Variants in MAP7D2 observed in about 807,000 individuals in gnomAD.
MAP7D2 encodes the protein MAP7 domain containing 2.
Under a neutral mutation model 63.5 loss-of-function variants are expected in MAP7D2, and 33 were observed. The ratio of observed to expected loss-of-function variants is 0.52; its 90% CI spans 0.39 to 0.70. The LOEUF (loss-of-function observed/expected upper bound fraction) is 0.70. MAP7D2 is among the 30% of genes least tolerant of loss of function. The pLI is 0.00. For missense variants in MAP7D2, 626 were observed against 604.0 expected, an observed-to-expected ratio of 1.04 and a Z score of -0.38; for synonymous variants, 224 against 223.7, an observed-to-expected ratio of 1.00 and a Z score of -0.01.
At chrX:20,109,787 T>C (rs944964062) in intron 1 of MAP7D2, among the ~76,000 whole-genome samples, 2 of 111,869 alleles carry the variant, frequency 1.8e-5, no homozygotes, top group Non-Finnish European at 3.8e-5. Flanking sequence ...GGCTCATGCC[T>C]GTAATCCCAG....
chrX:20,082,596 T>C (rs1056459625), intron 1 of MAP7D2, among the ~76,000 whole-genome samples: 5 of 112,098 alleles, frequency 4.5e-5, no homozygotes, highest in Non-Finnish European at 7.5e-5. Flanking sequence ...TTTGAGGCCT[T>C]GAGGAAACAG....
At chrX:20,062,015 G>A (rs2065236303) in intron 3 of MAP7D2, among the ~76,000 whole-genome samples, 1 of 112,380 alleles carries the variant, frequency 8.9e-6, no homozygotes, top group Non-Finnish European at 1.9e-5. Flanking sequence ...TACCAAAACA[G>A]CCTATTATAC....
At chrX:20,049,772 G>A in intron 6 of MAP7D2, 1 of 303,028 alleles carries the variant, frequency 3.3e-6, no homozygotes, top group Non-Finnish European at 6.4e-6. Context: ...GTGTTCTACA[G>A]TAGCTGCATC....
At chrX:20,070,421 C>T (rs1032363708) in intron 1 of MAP7D2, among the ~76,000 whole-genome samples, 46 of 110,517 alleles carry the variant, frequency 4.2e-4, no homozygotes, top group African/African-American at 1.4e-3. Flanking sequence ...CTGCACCCAG[C>T]CTATAATATT....
intron 1 of MAP7D2, among the ~76,000 whole-genome samples, chrX:20,072,190 G>A (rs2065520084): frequency 9.0e-6 from 1 of 111,498 alleles, no homozygotes; most frequent in Admixed American, 9.6e-5. Context: ...CTAGAGTTGT[G>A]GGAGGAATAC....
rs765218999 is a variant in MAP7D2 at position 20,060,613 on chromosome X, G to A, written c.372+2801C>T. ...CCCTGAGAATGGGCTGGCATACTGT[G>A]TTGTCAGCCCTAACACAGGTGACAG... On this transcript the variant is annotated intron_variant, in intron 3 of 16. Transcript: ENST00000379643. Among the ~76,000 whole-genome samples the A allele has an allele frequency of 1.6e-4, 18 of 111,520 alleles. No homozygotes were observed. The East Asian group carries it at 4.8e-3, about 30-fold the overall frequency.
At position 20,025,950 on chromosome X, in the gene MAP7D2, G is replaced by A. The variant is rs146088476; in HGVS notation, c.1010C>T (p.Thr337Ile). The A allele has an allele frequency of 8.3e-5, 100 of 1,206,707 alleles. No homozygotes were observed. In the African/African-American group the frequency reaches 1.6e-3, roughly 19 times the overall value. ...KRPSSPVISK[T>I]ATKAYPQSPK... Reference sequence around the variant, plus strand: ...AGACTGTGGATAAGCTTTAGTAGCTGTCCTGGAAAACAAAAAATATGCCAG... The same window carrying A: ...AGACTGTGGATAAGCTTTAGTAGCTATCCTGGAAAACAAAAAATATGCCAG... The change falls in exon 9 of 17, where the codon ACA becomes ATA. Residue 337 changes from threonine to isoleucine, a missense_variant and splice_region_variant. Coordinates refer to ENST00000379643, the MANE Select transcript of MAP7D2 (RefSeq NM_001168465.2).
intron 1 of MAP7D2, among the ~76,000 whole-genome samples, chrX:20,071,579 G>C (rs1449394872): frequency 9.0e-6 from 1 of 111,649 alleles, no homozygotes; most frequent in Non-Finnish European, 1.9e-5. Flanking sequence ...ACTGGTCCAG[G>C]GCCCACACCT....
intron 6 of MAP7D2, among the ~76,000 whole-genome samples, chrX:20,048,936 T>C (rs1269640303): frequency 9.3e-6 from 1 of 107,729 alleles, no homozygotes; most frequent in East Asian, 2.9e-4. Context: ...TACATATACA[T>C]ATATATACAT....
At chrX:20,113,783 C>T (rs2066813614) in intron 1 of MAP7D2, among the ~76,000 whole-genome samples, 1 of 111,171 alleles carries the variant, frequency 9.0e-6, no homozygotes. Context: ...TCATATCATG[C>T]AAAACAGGTT....
At chrX:20,009,461 C>T (rs865975912) in intron 16 of MAP7D2, among the ~76,000 whole-genome samples, 6 of 110,006 alleles carry the variant, frequency 5.5e-5, no homozygotes, top group Admixed American at 9.7e-5. Context: ...CTCAGGAGTT[C>T]GAGACCAGCT....
Position 20,062,481 on chromosome X carries a change from TA to T in MAP7D2, c.372+932del, listed in dbSNP as rs141341947. 5.0e-4 allele frequency among the ~76,000 whole-genome samples: 53 copies of T among 106,091 alleles called. No individual in the cohort carries two copies. The South Asian group carries it at 5.3e-3, about 11-fold the overall frequency. 92.1% of individuals were successfully genotyped at this position (106,091 alleles called of 115,157 possible). ...TGTGTGTGTTTTCGTATGTGTTCTT[TA>T]AAAAAAAAAGAAGGAAGGGGTAAAT... On this transcript the variant is annotated intron_variant, in intron 3 of 16. Transcript: ENST00000379643.
intron 8 of MAP7D2, 59 bp from the exon 9 acceptor site, chrX:20,026,011 T>C: frequency 8.9e-7 from 1 of 1,120,178 alleles, no homozygotes; most frequent in Non-Finnish European, 1.2e-6. Context: ...GAGCTCTCTG[T>C]TCCTAAGACA....
chrX:20,096,035 T>C (rs1056836718), intron 1 of MAP7D2, among the ~76,000 whole-genome samples: 48 of 95,897 alleles, frequency 5.0e-4, no homozygotes, highest in African/African-American at 1.8e-3. Context: ...TAAGCCAAGA[T>C]TGTGCCACTG....
intron 3 of MAP7D2, among the ~76,000 whole-genome samples, chrX:20,062,313 T>A (rs111663866): frequency 9.0e-6 from 1 of 111,446 alleles, no homozygotes; most frequent in African/African-American, 3.3e-5. Flanking sequence ...ACATTTGAAC[T>A]GGGAGCAGAT....
At chrX:20,069,270 G>A (rs992394066) in intron 1 of MAP7D2, among the ~76,000 whole-genome samples, 7 of 111,170 alleles carry the variant, frequency 6.3e-5, no homozygotes, top group Non-Finnish European at 1.3e-4. Context: ...ACAGTGGCAC[G>A]ATCATTGCTC....
At chrX:20,085,425 A>C (rs1260730086) in intron 1 of MAP7D2, among the ~76,000 whole-genome samples, 2 of 112,298 alleles carry the variant, frequency 1.8e-5, no homozygotes, top group Non-Finnish European at 1.9e-5. Flanking sequence ...TACCATAAAG[A>C]ATCAGTAAAA....
chrX:20,085,290 A>T (rs775411049), intron 1 of MAP7D2, among the ~76,000 whole-genome samples: 1 of 112,386 alleles, frequency 8.9e-6, no homozygotes, highest in South Asian at 3.7e-4. Context: ...AACAGCTTTG[A>T]TACTTGTAAA....
intron 7 of MAP7D2, among the ~76,000 whole-genome samples, chrX:20,043,736 A>G (rs183739430): frequency 2.7e-5 from 3 of 112,691 alleles, no homozygotes; most frequent in Admixed American, 9.4e-5. Context: ...GTAGCAATCA[A>G]TAACTAACAA....
Sources: allele counts gnomAD v4.1 joint callset (sites outside exome capture counted in the v4.1 genomes callset), GRCh38; gene constraint gnomAD v4.1.1; transcripts MANE v1.5; gene names NCBI Gene and HGNC (gene_info 2026-07-23, HGNC 2026-07-21).